Variants in HLTF observed in about 807,000 individuals in gnomAD.
The protein encoded by HLTF is helicase like transcription factor.
In HLTF, 127 loss-of-function variants were observed where a neutral mutation model predicts 129.4. That is an observed-to-expected ratio of 0.98 (90% CI 0.85 to 1.14). The LOEUF is 1.14. Among genes scored for constraint, HLTF ranks in the 50% most tolerant of loss-of-function variants. The pLI is 0.00. For missense variants in HLTF, 1,139 were observed against 1,187.1 expected, an observed-to-expected ratio of 0.96 and a Z score of 0.60; for synonymous variants, 332 against 388.8, an observed-to-expected ratio of 0.85 and a Z score of 1.72.
chr3:149,075,539 G>A (rs904545465), intron 3 of HLTF, among the ~76,000 whole-genome samples: 1 of 151,380 alleles, frequency 6.6e-6, no homozygotes, highest in Admixed American at 6.5e-5. Flanking sequence ...GTGAGACTTC[G>A]TCTCAAAATA....
chr3:149,074,025 TTA>T (rs1719108620), intron 4 of HLTF, among the ~76,000 whole-genome samples, 188 bp downstream of exon 4: 1 of 152,132 alleles, frequency 6.6e-6, no homozygotes, highest in South Asian at 2.1e-4. Context: ...GTGTATATTT[TTA>T]TGTGTGAATC....
chr3:149,071,712 T>G, intron 5 of HLTF, 55 bp from the exon 6 acceptor site: 3 of 1,065,314 alleles, frequency 2.8e-6, no homozygotes, highest in Non-Finnish European at 4.2e-6. Flanking sequence ...AAATAATACT[T>G]GCATTTAAGT....
At chr3:149,061,413 AAAAATAAAAT>A (rs139954914) in intron 10 of HLTF, among the ~76,000 whole-genome samples, 44,364 of 150,234 alleles carry the variant, frequency 0.3, 7,311 homozygotes, top group Middle Eastern at 0.45. Flanking sequence ...TCCATCTCAA[AAAAATAAAAT>A]AAAATAAAAT....
intron 2 of HLTF, among the ~76,000 whole-genome samples, chr3:149,083,175 TG>T (rs1353898833): frequency 6.6e-6 from 1 of 151,828 alleles, no homozygotes; most frequent in Non-Finnish European, 1.5e-5. Context: ...CGCTTGAACC[TG>T]GGAGGCGGAG....
At chr3:149,038,772 C>A (rs974472717) in intron 23 of HLTF, among the ~76,000 whole-genome samples, 4 of 152,282 alleles carry the variant, frequency 2.6e-5, no homozygotes, top group Admixed American at 6.5e-5. Context: ...CTTGGCCTCC[C>A]AAAGTGCTGG....
In HLTF at chr3:149,039,317, A is replaced by G. The variant is rs571154020; in HGVS notation, c.2616-88T>C. 47 of 966,380 alleles carry G rather than the reference A, an allele frequency of 4.9e-5. No individual in the cohort carries two copies. In the African/African-American group the frequency reaches 7.4e-4, roughly 15 times the overall value. 59.9% of individuals were successfully genotyped at this position (966,380 alleles called of 1,614,324 possible). A position where few individuals can be genotyped will look rare whatever the true frequency, so the allele number is the denominator to read the frequency against. ...AAGTAACTACAAATCTCTTCAATAAATTCTTTCACTCATTTATTTTAACAA... is the reference window on the plus strand; with the variant it reads ...AAGTAACTACAAATCTCTTCAATAAGTTCTTTCACTCATTTATTTTAACAA... On this transcript the variant is annotated intron_variant, in intron 22 of 24. Transcript: ENST00000310053.
At chr3:149,047,074 G>A (rs551179110) in intron 17 of HLTF, among the ~76,000 whole-genome samples, 61 of 152,212 alleles carry the variant, frequency 4.0e-4, no homozygotes, top group Middle Eastern at 3.4e-3. Context: ...CATGCACTCC[G>A]ATATTTACTA....
chr3:149,051,149 T>C (rs751671627), intron 14 of HLTF, among the ~76,000 whole-genome samples: 2 of 150,660 alleles, frequency 1.3e-5, no homozygotes, highest in Admixed American at 6.6e-5. Flanking sequence ...TAATGAAATA[T>C]GAAATATGAA....
In HLTF at chr3:149,050,291, A is replaced by G. The variant is rs1348665281; in HGVS notation, c.1558T>C (p.Leu520=). 6.2e-7 allele frequency: 1 copy of G among 1,601,622 alleles called. No homozygotes were observed. The highest frequency in any genetic ancestry group is 1.3e-5 in the African/African-American group (1 of 74,708). Residue 520 remains leucine (L), a synonymous_variant, in exon 15 of 25, where the codon TTA becomes CTA. Transcript: ENST00000310053. ...AAAACAATATCCTGTTTTGAAAGTA[A>G]GGCCGGTTCTCTAATACGATCAGGA... ...YGPDRIREPA[L]LSKQDIVLTT... is the part of the protein sequence containing the mutation.
chr3:149,063,022 C>T (rs1718075438), intron 10 of HLTF: 2 of 455,256 alleles, frequency 4.4e-6, no homozygotes, highest in Non-Finnish European at 8.8e-6. Flanking sequence ...GAAAGAACTA[C>T]TTAACAAATA....
At chr3:149,072,064 A>G (rs1303242697) in intron 5 of HLTF, among the ~76,000 whole-genome samples, 4 of 152,190 alleles carry the variant, frequency 2.6e-5, no homozygotes. Context: ...AAAAATTAAG[A>G]AATTGAAATT....
chr3:149,068,349 T>A lies in HLTF; in HGVS notation c.895-14A>T. ...AAGAGTTTTACCCTTAAAAATGTTT[T>A]AAAAAGATAAATGGTCAGATTGTGA... On this transcript the variant is annotated splice_polypyrimidine_tract_variant and intron_variant, in intron 7 of 24. Coordinates refer to ENST00000310053, the MANE Select transcript of HLTF (RefSeq NM_003071.4). The A allele has an allele frequency of 1.6e-6, 2 of 1,252,006 alleles. No homozygotes were observed. Among genetic ancestry groups the A allele is most frequent in the Non-Finnish European group, 2.3e-6 (2 of 875,502 alleles). 77.6% of individuals were successfully genotyped at this position (1,252,006 alleles called of 1,614,324 possible). A position where few individuals can be genotyped will look rare whatever the true frequency, so the allele number is the denominator to read the frequency against.
intron 14 of HLTF, among the ~76,000 whole-genome samples, chr3:149,054,522 G>A (rs558963574): frequency 6.6e-6 from 1 of 152,244 alleles, no homozygotes; most frequent in East Asian, 1.9e-4. Flanking sequence ...GAAGTGGCAA[G>A]AACGGTGAGT....
chr3:149,036,307 T>TTTTTTTTTTTTTA (rs1576571144), intron 23 of HLTF, among the ~76,000 whole-genome samples: 4 of 142,366 alleles, frequency 2.8e-5, no homozygotes, highest in Non-Finnish European at 4.6e-5. Context: ...GTTTTTTTTT[T>TTTTTTTTTTTTTA]GAGATGGAGT....
intron 9 of HLTF, among the ~76,000 whole-genome samples, chr3:149,064,518 T>C (rs1433478210): frequency 6.6e-6 from 1 of 152,168 alleles, no homozygotes; most frequent in Non-Finnish European, 1.5e-5. Flanking sequence ...CTTTTTAAAG[T>C]ACCCTTTCAT....
chr3:149,082,524 T>C (rs1163154549), intron 2 of HLTF, among the ~76,000 whole-genome samples: 1 of 151,654 alleles, frequency 6.6e-6, no homozygotes, highest in African/African-American at 2.4e-5. Context: ...CAGGGAAAAA[T>C]GAATGCAATA....
At chr3:149,066,672 G>GA (rs1393062790) in intron 8 of HLTF, among the ~76,000 whole-genome samples, 1 of 151,886 alleles carries the variant, frequency 6.6e-6, no homozygotes, top group African/African-American at 2.4e-5. Context: ...GGAAAAATAA[G>GA]AGAAATCCTT....
At chr3:149,082,636 A>G (rs530036922) in intron 2 of HLTF, among the ~76,000 whole-genome samples, 1 of 152,350 alleles carries the variant, frequency 6.6e-6, no homozygotes, top group South Asian at 2.1e-4. Context: ...TCATACATTT[A>G]AAATATGTAC....
chr3:149,067,135 T>C lies in HLTF; in HGVS notation c.990+1105A>G, dbSNP rs557708155. ...TTTTTCTCACTAAACTAATTTTTAA[T>C]TCTTAGAAACCAAATATAAATGTAT... On this transcript the variant is annotated intron_variant, in intron 8 of 24. Transcript: ENST00000310053. 2.6e-5 allele frequency among the ~76,000 whole-genome samples: 4 copies of C among 151,812 alleles called. No homozygotes were observed. In the South Asian group the frequency reaches 8.3e-4, roughly 31 times the overall value.
Sources: allele counts gnomAD v4.1 joint callset (sites outside exome capture counted in the v4.1 genomes callset), GRCh38; gene constraint gnomAD v4.1.1; transcripts MANE v1.5; gene names NCBI Gene and HGNC (gene_info 2026-07-23, HGNC 2026-07-21).